The following PTPRD variants were observed in gnomAD, a reference collection of about 807,000 sequenced individuals.
PTPRD encodes the protein protein tyrosine phosphatase receptor type D.
A neutral mutation model predicts 214.5 loss-of-function variants in PTPRD; 34 were observed. The ratio of observed to expected loss-of-function variants is 0.16; its 90% CI spans 0.12 to 0.21. The LOEUF is 0.21. Ranked by LOEUF, PTPRD falls within the 10% of genes least tolerant of loss-of-function variation. The pLI, the probability that PTPRD is intolerant of heterozygous loss-of-function variation, is 1.00. For missense variants in PTPRD, 2,545 were observed against 2,398.7 expected, an observed-to-expected ratio of 1.06 and a Z score of -1.27; for synonymous variants, 1,128 against 845.7, an observed-to-expected ratio of 1.33 and a Z score of -5.79.
At chr9:8,682,146 C>G (rs1451265463) in intron 12 of PTPRD, among the ~76,000 whole-genome samples, 1 of 152,132 alleles carries the variant, frequency 6.6e-6, no homozygotes, top group Non-Finnish European at 1.5e-5. Flanking sequence ...ACACAATGTG[C>G]AGAATGTATG....
At chr9:10,168,426 C>G (rs556715511) in intron 3 of PTPRD, among the ~76,000 whole-genome samples, 110 of 152,270 alleles carry the variant, frequency 7.2e-4, no homozygotes, top group African/African-American at 2.6e-3. Context: ...GATGTTTTCA[C>G]AGCTGCTGTT....
At chr9:8,874,434 G>T (rs1336802470) in intron 11 of PTPRD, among the ~76,000 whole-genome samples, 1 of 152,160 alleles carries the variant, frequency 6.6e-6, no homozygotes, top group African/African-American at 2.4e-5. Flanking sequence ...CCTAGTTGCA[G>T]AGTCTAATTC....
chr9:8,736,895 A>C (rs1483260178), intron 11 of PTPRD, among the ~76,000 whole-genome samples: 1 of 152,170 alleles, frequency 6.6e-6, no homozygotes. Context: ...GTGCTAAAGG[A>C]ATCAGCTCTC....
chr9:9,653,446 T>C (rs1594319009), intron 7 of PTPRD, among the ~76,000 whole-genome samples: 1 of 150,490 alleles, frequency 6.6e-6, no homozygotes, highest in Non-Finnish European at 1.5e-5. Context: ...ATAGGTCCTT[T>C]GGTAAACTTA....
chr9:8,439,026 AC>A (rs2095453117), intron 34 of PTPRD, among the ~76,000 whole-genome samples: 1 of 152,212 alleles, frequency 6.6e-6, no homozygotes, highest in South Asian at 2.1e-4. Flanking sequence ...GAATATATAT[AC>A]ATATATGTAT....
intron 9 of PTPRD, among the ~76,000 whole-genome samples, chr9:9,204,692 C>A (rs1462373795): frequency 6.6e-6 from 1 of 152,104 alleles, no homozygotes; most frequent in African/African-American, 2.4e-5. Flanking sequence ...CTGTTAAATG[C>A]AACTGAAAAG....
intron 14 of PTPRD, among the ~76,000 whole-genome samples, chr9:8,578,675 G>T (rs2092730814): frequency 6.6e-6 from 1 of 152,126 alleles, no homozygotes; most frequent in South Asian, 2.1e-4. Flanking sequence ...TATCTAAATG[G>T]CAAAGTGTTT....
chr9:9,997,625 A>AT lies in PTPRD; in HGVS notation c.-472+36092dup, dbSNP rs143785022. Among the ~76,000 whole-genome samples, 177 of 152,318 alleles carry AT rather than the reference A, an allele frequency of 1.2e-3. 5 individuals carry two copies. The East Asian group carries it at 0.031, about 27-fold the overall frequency. The stretch of plus-strand genomic sequence containing the variant: ...TTAATAAAGGAATTATTAAGAAATA[A>AT]TTTTAGGCAGATAGAGAGAGTAAAA... On this transcript the variant is annotated intron_variant, in intron 4 of 45. Transcript: ENST00000381196.
At chr9:10,194,353 G>T (rs1319070512) in intron 3 of PTPRD, among the ~76,000 whole-genome samples, 811 of 7,808 alleles carry the variant, frequency 0.1, 3 homozygotes, top group African/African-American at 0.18. Context: ...TATAGAGAGA[G>T]AGAGAGAGAG....
intron 21 of PTPRD, 131 bp downstream of exon 21, chr9:8,517,717 T>C: frequency 1.4e-6 from 1 of 720,356 alleles, no homozygotes; most frequent in Non-Finnish European, 2.3e-6. Flanking sequence ...ATCTATCATC[T>C]GTTGCTTTGA....
At chr9:8,518,695 G>A (rs2138628489) in intron 20 of PTPRD, among the ~76,000 whole-genome samples, 2 of 152,268 alleles carry the variant, frequency 1.3e-5, no homozygotes, top group East Asian at 3.9e-4. Context: ...AAGTGATCCT[G>A]CACGCATTTC....
intron 2 of PTPRD, among the ~76,000 whole-genome samples, chr9:10,570,745 G>C (rs1222571158): frequency 3.3e-5 from 5 of 151,936 alleles, no homozygotes; most frequent in Non-Finnish European, 5.9e-5. Flanking sequence ...CATTTATATG[G>C]TTACACTACA....
chr9:9,609,180 GATTT>G (rs749614894), intron 7 of PTPRD, among the ~76,000 whole-genome samples: 5 of 151,960 alleles, frequency 3.3e-5, no homozygotes, highest in Admixed American at 6.6e-5. Flanking sequence ...AATCTACATT[GATTT>G]ATTAAGTGAA....
At chr9:8,599,842 C>T (rs191266817) in intron 14 of PTPRD, among the ~76,000 whole-genome samples, 99 of 152,112 alleles carry the variant, frequency 6.5e-4, no homozygotes, top group African/African-American at 2.2e-3. Context: ...GTCTCAAATT[C>T]CCTACCTCAG....
At chr9:10,169,339 T>C in intron 3 of PTPRD, among the ~76,000 whole-genome samples, 1 of 151,266 alleles carries the variant, frequency 6.6e-6, no homozygotes, top group Non-Finnish European at 1.5e-5. Context: ...CCGGGCGTGG[T>C]GGCGGGCACC....
chr9:9,507,937 G>C (rs1048189788), intron 8 of PTPRD, among the ~76,000 whole-genome samples: 2 of 151,428 alleles, frequency 1.3e-5, no homozygotes, highest in African/African-American at 4.8e-5. Context: ...ACTCATTTCA[G>C]AAGGGGAAAA....
At chr9:8,822,621 A>G (rs1340810330) in intron 11 of PTPRD, among the ~76,000 whole-genome samples, 1 of 152,232 alleles carries the variant, frequency 6.6e-6, no homozygotes, top group Non-Finnish European at 1.5e-5. Context: ...CAAGTACAGT[A>G]TCAATAACAA....
At chr9:9,571,717 A>AAT (rs1440677240) in intron 8 of PTPRD, among the ~76,000 whole-genome samples, 8 of 150,768 alleles carry the variant, frequency 5.3e-5, no homozygotes, top group Non-Finnish European at 8.9e-5. Context: ...GCAATTCATA[A>AAT]ATATATATAT....
chr9:9,070,297 G>T (rs116572202), intron 10 of PTPRD, among the ~76,000 whole-genome samples: 248 of 152,150 alleles, frequency 1.6e-3, no homozygotes, highest in African/African-American at 5.7e-3. Context: ...TTTACATAAG[G>T]CGTCTTGTAA....
Sources: allele counts gnomAD v4.1 joint callset (sites outside exome capture counted in the v4.1 genomes callset), GRCh38; gene constraint gnomAD v4.1.1; transcripts MANE v1.5; gene names NCBI Gene and HGNC (gene_info 2026-07-23, HGNC 2026-07-21).